Variants in PBRM1 observed in about 807,000 individuals in gnomAD.
The protein encoded by PBRM1 is protein polybromo-1.
A neutral mutation model predicts 194.5 loss-of-function variants in PBRM1; 27 were observed. That is an observed-to-expected ratio of 0.14 (90% CI 0.10 to 0.19). The LOEUF is 0.19. Among genes scored for constraint, PBRM1 ranks in the 10% least tolerant of loss-of-function variants. The pLI, the probability that PBRM1 is intolerant of heterozygous loss-of-function variation, is 1.00. For synonymous variants in PBRM1, 655 were observed against 693.2 expected (o/e 0.94, Z 0.87); for missense variants, 1,466 against 2,077.2 (o/e 0.71, Z 5.72).
chr3:52,587,569 A>AAT, intron 18 of PBRM1, 59 bp from the exon 21 acceptor site: 4 of 969,350 alleles, frequency 4.1e-6, no homozygotes, highest in Non-Finnish European at 4.3e-6. Context: ...AACAGAAATC[A>AAT]CTTTTTTTTT....
intron 29 of PBRM1, among the ~76,000 whole-genome samples, 178 bp downstream of exon 31, chr3:52,550,243 C>T (rs2080599569): frequency 6.6e-6 from 1 of 152,014 alleles, no homozygotes; most frequent in Admixed American, 6.6e-5. Flanking sequence ...CAAAACAAAC[C>T]ATTTTCAGTG....
intron 17 of PBRM1, among the ~76,000 whole-genome samples, chr3:52,596,436 C>CAAAAAAAAAAAAAAAAAAAAAAAA (rs763007814): frequency 9.9e-5 from 5 of 50,370 alleles, no homozygotes; most frequent in Admixed American, 3.1e-4. Context: ...GACTCCGTCT[C>CAAAAAAAAAAAAAAAAAAAAAAAA]AAAAAAAAAA....
intron 20 of PBRM1, among the ~76,000 whole-genome samples, chr3:52,580,189 G>A (rs571253044): frequency 6.6e-6 from 1 of 152,074 alleles, no homozygotes; most frequent in Admixed American, 6.5e-5. Context: ...GCAGTGAGCT[G>A]AGATCGTGCC....
intron 27 of PBRM1, among the ~76,000 whole-genome samples, chr3:52,552,142 G>A (rs2081123903): frequency 6.6e-6 from 1 of 152,162 alleles, no homozygotes; most frequent in African/African-American, 2.4e-5. Flanking sequence ...TGGGTAAGCT[G>A]GTGCCCCAGC....
At chr3:52,662,840 AAC>A (rs1019832789) in intron 3 of PBRM1, among the ~76,000 whole-genome samples, 3 of 151,308 alleles carry the variant, frequency 2.0e-5, no homozygotes, top group Non-Finnish European at 4.4e-5. Context: ...AAAAAAAAAA[AAC>A]ACCAAAAAAC....
chr3:52,596,996 C>T (rs2093618239), intron 17 of PBRM1, among the ~76,000 whole-genome samples: 1 of 152,178 alleles, frequency 6.6e-6, no homozygotes, highest in South Asian at 2.1e-4. Flanking sequence ...TTGCTGGAAC[C>T]CAAGTTCTGA....
intron 15 of PBRM1, among the ~76,000 whole-genome samples, chr3:52,612,679 G>A (rs1049187270): frequency 1.3e-5 from 2 of 151,978 alleles, no homozygotes; most frequent in Non-Finnish European, 2.9e-5. Context: ...GGAGGCGGAC[G>A]GATCACTTGA....
intron 11 of PBRM1, among the ~76,000 whole-genome samples, chr3:52,632,092 A>G (rs1448638060): frequency 6.6e-6 from 1 of 152,236 alleles, no homozygotes; most frequent in Admixed American, 6.5e-5. Flanking sequence ...TGCTGTGAAC[A>G]CAGGTTTACA....
At chr3:52,617,918 C>T (rs1379976301) in intron 13 of PBRM1, among the ~76,000 whole-genome samples, 2 of 152,156 alleles carry the variant, frequency 1.3e-5, no homozygotes, top group African/African-American at 4.8e-5. Context: ...TAGCAATTCT[C>T]TACGGTTATA....
chr3:52,558,631 G>T (rs1056354426), intron 25 of PBRM1, among the ~76,000 whole-genome samples: 1 of 152,146 alleles, frequency 6.6e-6, no homozygotes, highest in Non-Finnish European at 1.5e-5. Flanking sequence ...GGTCTGCAAA[G>T]ATTTCAAGAA....
At chr3:52,653,056 A>G (rs555888073) in intron 5 of PBRM1, among the ~76,000 whole-genome samples, 15 of 151,124 alleles carry the variant, frequency 9.9e-5, no homozygotes, top group African/African-American at 3.6e-4. Context: ...TTAAGGTCCC[A>G]AGATATCTAT....
At chr3:52,657,762 G>A (rs1478365843) in intron 5 of PBRM1, among the ~76,000 whole-genome samples, 46 of 138,498 alleles carry the variant, frequency 3.3e-4, no homozygotes, top group Middle Eastern at 5.5e-3. Context: ...GAGCCACTGC[G>A]CCTGGCCCAA....
chr3:52,638,422 G>C (rs1159348120), intron 10 of PBRM1, among the ~76,000 whole-genome samples: 1 of 150,874 alleles, frequency 6.6e-6, no homozygotes, highest in East Asian at 1.9e-4. Context: ...GCGATGGCGT[G>C]ATCTCAGCTC....
chr3:52,584,450 C>CTTTTTTTTTTTTTTTT lies in PBRM1; in HGVS notation c.3387+1959_3387+1974dup, dbSNP rs397989611. Among the ~76,000 whole-genome samples, 20 of 60,750 alleles carry CTTTTTTTTTTTTTTTT rather than the reference C, an allele frequency of 3.3e-4. 5 individuals carry two copies. The highest frequency in any genetic ancestry group is 1.2e-3 in the African/African-American group (16 of 12,930). The allele number at this position is 60,750 out of a possible 152,430, so 39.9% of individuals were successfully genotyped here. On this transcript the variant is annotated intron_variant, in intron 20 of 29. Transcript: ENST00000296302. ...AATTATCTGCAGAAAAGTATTCTTG[C>CTTTTTTTTTTTTTTTT]TTTTTTTTTTTTTTTTTTTTTTTTT...
At chr3:52,565,591 A>G (rs892447764) in intron 22 of PBRM1, among the ~76,000 whole-genome samples, 30 of 152,272 alleles carry the variant, frequency 2.0e-4, no homozygotes, top group African/African-American at 7.0e-4. Context: ...GATAAGCCAT[A>G]GAAGAAAATA....
intron 4 of PBRM1, among the ~76,000 whole-genome samples, chr3:52,660,402 C>T (rs1356650524): frequency 6.6e-6 from 1 of 151,748 alleles, no homozygotes; most frequent in African/African-American, 2.4e-5. Flanking sequence ...TGCTGAGGAA[C>T]TATATACATA....
chr3:52,664,608 G>A (rs1361101984), intron 3 of PBRM1, among the ~76,000 whole-genome samples: 3 of 151,266 alleles, frequency 2.0e-5, no homozygotes, highest in Non-Finnish European at 2.9e-5. Flanking sequence ...GGTGGCAGGC[G>A]CCTGTAATCC....
intron 17 of PBRM1, among the ~76,000 whole-genome samples, chr3:52,594,247 A>C (rs2153836812): frequency 6.6e-6 from 1 of 152,182 alleles, no homozygotes; most frequent in Non-Finnish European, 1.5e-5. Context: ...TTGCTTTATG[A>C]GTCTGGGTGC....
At chr3:52,651,420 T>A (rs1414857584) in intron 6 of PBRM1, among the ~76,000 whole-genome samples, 2 of 152,166 alleles carry the variant, frequency 1.3e-5, no homozygotes, top group Non-Finnish European at 2.9e-5. Context: ...TATGCCAGTA[T>A]CAAAATTTCA....
Sources: gnomAD v4.1 joint callset for allele counts (sites outside exome capture counted in the v4.1 genomes callset) on GRCh38, gnomAD v4.1.1 for gene constraint, MANE v1.5 for transcripts, NCBI Gene and HGNC (gene_info 2026-07-23, HGNC 2026-07-21) for gene names.